Variants in ARSL observed in about 807,000 individuals in gnomAD.
ARSL encodes arylsulfatase E (chondrodysplasia punctata 1).
ARSL carries 4 observed loss-of-function variants against 31.1 expected under a neutral mutation model. The ratio of observed to expected loss-of-function variants is 0.13; its 90% CI spans 0.06 to 0.29. The LOEUF (loss-of-function observed/expected upper bound fraction) is 0.29. ARSL is among the 10% of genes least tolerant of loss of function. The pLI is 1.00. For synonymous variants in ARSL, 198 were observed against 209.9 expected (o/e 0.94, Z 0.49); for missense variants, 312 against 497.8 (o/e 0.63, Z 3.55).
Position 2,943,741 on chromosome X carries a change from C to CAA in ARSL, c.992-544_992-543dup, listed in dbSNP as rs63205261. On this transcript the variant is annotated intron_variant, in intron 7 of 10. Coordinates refer to ENST00000381134, the MANE Select transcript of ARSL (RefSeq NM_000047.3). ...TGGGTGACAGAGTGAGACTCGGTCT[C>CAA]AAAAAAAAAAAAAAAAAAAAAAAAA... is the stretch of plus-strand genomic sequence containing the variant. Among the ~76,000 whole-genome samples the CAA allele has an allele frequency of 3.1e-3, 42 of 13,730 alleles. 4 individuals carry two copies. Among genetic ancestry groups the CAA allele is most frequent in the African/African-American group, 7.4e-3 (29 of 3,930 alleles). The allele number at this position is 13,730 out of a possible 115,157, so 11.9% of individuals were successfully genotyped here.
At position 2,945,407 on chromosome X, in the gene ARSL, A is replaced by C. The variant is rs756428771; in HGVS notation, c.991+591T>G. 7.2e-5 allele frequency among the ~76,000 whole-genome samples: 8 copies of C among 111,686 alleles called. No individual in the cohort carries two copies. In the East Asian group the frequency reaches 1.4e-3, roughly 20 times the overall value. On this transcript the variant is annotated intron_variant, in intron 7 of 10. Transcript: ENST00000381134. ...GGAGCCACTAGCCACTCTACAGCGGAGAGGAATTTTATCTGCTCTTTCTTT... is the reference window on the plus strand; with the variant it reads ...GGAGCCACTAGCCACTCTACAGCGGCGAGGAATTTTATCTGCTCTTTCTTT...
intron 7 of ARSL, 23 bp from the exon 8 acceptor site, chrX:2,943,222 G>A: frequency 8.3e-7 from 1 of 1,208,623 alleles, no homozygotes; most frequent in Non-Finnish European, 1.1e-6. Flanking sequence ...GATGTTTTTG[G>A]GGCCGTCGAA....
rs762627146 is a variant in ARSL at position 2,958,436 on chromosome X, C to T, written c.24-1G>A. On this transcript the variant is annotated splice_acceptor_variant, in intron 2 of 10. Transcript: ENST00000381134. LOFTEE classifies it high-confidence loss of function. ...TGGCAGCCAGCTCCTGAAACACAAA[C>T]TGTCAGAGACTGCGTCATGCTCCTG... 3 of 1,211,757 alleles carry T rather than the reference C, an allele frequency of 2.5e-6. No individual in the cohort carries two copies. Among genetic ancestry groups the T allele is most frequent in the Admixed American group, 4.3e-5 (2 of 46,058 alleles).
At chrX:2,942,434 G>T (rs937881152) in intron 8 of ARSL, among the ~76,000 whole-genome samples, 13 of 111,249 alleles carry the variant, frequency 1.2e-4, no homozygotes, top group African/African-American at 4.2e-4. Flanking sequence ...TGGGACTACA[G>T]GCGTGTGCCA....
At chrX:2,960,220 G>A (rs1272716560) in intron 2 of ARSL, among the ~76,000 whole-genome samples, 158 bp downstream of exon 2, 1 of 65,830 alleles carries the variant, frequency 1.5e-5, no homozygotes, top group South Asian at 1.3e-3. Flanking sequence ...AGTGAGCCGA[G>A]ATCGCGCCAC....
At chrX:2,939,580 T>C (rs768793743) in intron 8 of ARSL, among the ~76,000 whole-genome samples, 3 of 111,338 alleles carry the variant, frequency 2.7e-5, no homozygotes, top group Admixed American at 9.6e-5. Flanking sequence ...CATTTATATA[T>C]CCCGTTTTAC....
At chrX:2,951,008 C>T (rs994019181) in intron 5 of ARSL, among the ~76,000 whole-genome samples, 11 of 111,700 alleles carry the variant, frequency 9.8e-5, no homozygotes, top group African/African-American at 3.6e-4. Context: ...AAGCCTTGTC[C>T]TTGCACAGTG....
At chrX:2,966,816 TATAA>T (rs1222985837), upstream of ARSL, among the ~76,000 whole-genome samples, 1 of 109,855 alleles carries the variant, frequency 9.1e-6, no homozygotes, top group Non-Finnish European at 1.9e-5. Context: ...AATATGCACG[TATAA>T]ATATAAACAT....
At chrX:2,959,462 T>A (rs2089572554) in intron 2 of ARSL, 1 of 796,809 alleles carries the variant, frequency 1.3e-6, no homozygotes, top group Non-Finnish European at 1.7e-6. Context: ...GGAATGCACA[T>A]GGACAGCAGG....
intron 10 of ARSL, among the ~76,000 whole-genome samples, chrX:2,935,416 C>T (rs2089183543): frequency 8.9e-6 from 1 of 112,148 alleles, no homozygotes; most frequent in Non-Finnish European, 1.9e-5. Flanking sequence ...ATACTACGCT[C>T]AGAGAAAGAA....
intron 2 of ARSL, among the ~76,000 whole-genome samples, chrX:2,959,407 C>T (rs918796627): frequency 1.8e-5 from 2 of 111,674 alleles, no homozygotes; most frequent in Non-Finnish European, 3.8e-5. Context: ...TGGTGACATA[C>T]AGCCTGCCAC....
intron 3 of ARSL, among the ~76,000 whole-genome samples, chrX:2,957,153 G>A (rs1182378028): frequency 1.9e-5 from 2 of 107,868 alleles, no homozygotes; most frequent in African/African-American, 3.4e-5. Flanking sequence ...CCCGGGAGAC[G>A]GAGCTGGCAG....
intron 8 of ARSL, among the ~76,000 whole-genome samples, chrX:2,940,135 T>C (rs750853736): frequency 1.1e-3 from 116 of 109,787 alleles, no homozygotes; most frequent in African/African-American, 3.7e-3. Context: ...CCCAAAGTGC[T>C]GGGATTACAG....
At position 2,960,201 on chromosome X, in the gene ARSL, G is replaced by A. The variant is rs1479725606; in HGVS notation, c.23+177C>T. ...GGAGAATGGTGTGAACCCGGGAGGCGGAGCTTGCAGTGAGCCGAGATCGCG... is the reference window on the plus strand; with the variant it reads ...GGAGAATGGTGTGAACCCGGGAGGCAGAGCTTGCAGTGAGCCGAGATCGCG... On this transcript the variant is annotated intron_variant, in intron 2 of 10. Coordinates refer to ENST00000381134, the MANE Select transcript of ARSL (RefSeq NM_000047.3). Among the ~76,000 whole-genome samples the A allele has an allele frequency of 2.7e-4, 21 of 76,970 alleles. 2 individuals carry two copies. In the South Asian group the frequency reaches 4.2e-3, roughly 15 times the overall value. 66.8% of individuals were successfully genotyped at this position (76,970 alleles called of 115,157 possible). A position where few individuals can be genotyped will look rare whatever the true frequency, so the allele number is the denominator to read the frequency against.
upstream of ARSL, chrX:2,968,245 T>TGGCTGTCTCGGCGGCACTGAAC (rs2147431435): frequency 3.3e-5 from 36 of 1,075,949 alleles, no homozygotes; most frequent in South Asian, 6.2e-4. Flanking sequence ...AGACACGCAC[T>TGGCTGTCTCGGCGGCACTGAAC]GGCTGTCTCG....
upstream of ARSL, among the ~76,000 whole-genome samples, chrX:2,966,280 GTTTTC>G (rs1424676921): frequency 2.7e-5 from 3 of 111,496 alleles, no homozygotes; most frequent in East Asian, 2.8e-4. Flanking sequence ...TGTCAGAAAT[GTTTTC>G]TTTTCCTGCC....
rs1385569864 is a variant in ARSL, at chrX:2,958,306, C to T, written c.153G>A (p.Gly51=). ...LLLMADDLGI[G]DIGCYGNNTM... is the part of the protein sequence containing the mutation. Reference sequence around the variant, plus strand: ...TGTTGTTGCCATAGCAGCCAATGTCCCCAATGCCAAGGTCGTCCGCCATCA... The same window carrying T: ...TGTTGTTGCCATAGCAGCCAATGTCTCCAATGCCAAGGTCGTCCGCCATCA... The change falls in exon 3 of 11, where the codon GGG becomes GGA. Residue 51 remains glycine (G), a synonymous_variant. Coordinates refer to ENST00000381134, the MANE Select transcript of ARSL (RefSeq NM_000047.3). 8.3e-7 allele frequency: 1 copy of T among 1,210,176 alleles called. No homozygotes were observed. The highest frequency in any genetic ancestry group is 1.1e-6 in the Non-Finnish European group (1 of 895,320).
chrX:2,938,567 G>A (rs1310677279), intron 8 of ARSL, among the ~76,000 whole-genome samples: 1 of 111,768 alleles, frequency 8.9e-6, no homozygotes, highest in African/African-American at 3.2e-5. Flanking sequence ...AGAAGGCCAT[G>A]TGGAGACGGA....
In ARSL at chrX:2,943,060, C is replaced by G. The variant is rs1294661211; in HGVS notation, c.1126+5G>C. On this transcript the variant is annotated splice_donor_5th_base_variant and intron_variant, in intron 8 of 10. Coordinates refer to ENST00000381134, the MANE Select transcript of ARSL (RefSeq NM_000047.3). ...GATGAAGATCTGGGAGCATCTCAGT[C>G]TTACCTTTATAAATTCCATTCCAGC... is the stretch of plus-strand genomic sequence containing the variant. The G allele has an allele frequency of 1.1e-5, 13 of 1,211,054 alleles. No individual in the cohort carries two copies. Among genetic ancestry groups the G allele is most frequent in the South Asian group, 1.8e-5 (1 of 56,909 alleles).
Sources: allele counts gnomAD v4.1 joint callset (sites outside exome capture counted in the v4.1 genomes callset), GRCh38; gene constraint gnomAD v4.1.1; transcripts MANE v1.5; gene names NCBI Gene and HGNC (gene_info 2026-07-23, HGNC 2026-07-21).